Variants in CCDC171 observed in about 807,000 individuals in gnomAD.
CCDC171 encodes coiled-coil domain containing 171, also known as coiled-coil domain-containing protein 171.
CCDC171 carries 177 observed loss-of-function variants against 168.2 expected under a neutral mutation model. The ratio of observed to expected loss-of-function variants is 1.05; its 90% CI spans 0.93 to 1.19. The LOEUF (loss-of-function observed/expected upper bound fraction) is 1.19. Among genes scored for constraint, CCDC171 ranks in the 50% most tolerant of loss-of-function variants. The pLI, the probability that CCDC171 is intolerant of heterozygous loss-of-function variation, is 0.00. For missense variants in CCDC171, 1,991 were observed against 1,539.0 expected (o/e 1.29, Z -4.91); for synonymous variants, 687 against 540.8 (o/e 1.27, Z -3.75).
intron 10 of CCDC171, among the ~76,000 whole-genome samples, chr9:15,679,564 T>G (rs1184187940): frequency 6.6e-6 from 1 of 152,202 alleles, no homozygotes; most frequent in African/African-American, 2.4e-5. Context: ...TTCTTTTCTT[T>G]TTGAAGATGA....
At chr9:15,716,619 G>A (rs1319012408) in intron 11 of CCDC171, among the ~76,000 whole-genome samples, 2 of 152,144 alleles carry the variant, frequency 1.3e-5, no homozygotes, top group African/African-American at 4.8e-5. Context: ...ATTTCTTACA[G>A]TTCTGGAGGC....
intron 21 of CCDC171, among the ~76,000 whole-genome samples, chr9:15,829,022 G>T (rs2060126886): frequency 6.6e-6 from 1 of 152,148 alleles, no homozygotes; most frequent in South Asian, 2.1e-4. Flanking sequence ...GCAAAGAATG[G>T]CAGGCATATT....
At chr9:15,626,478 T>G (rs1407931096) in intron 7 of CCDC171, among the ~76,000 whole-genome samples, 1 of 152,074 alleles carries the variant, frequency 6.6e-6, no homozygotes, top group Admixed American at 6.6e-5. Flanking sequence ...ATTGTTTTGA[T>G]ATACATCCCA....
chr9:16,009,597 T>A (rs1481523382), intron 3 of CCDC171, among the ~76,000 whole-genome samples: 2 of 152,218 alleles, frequency 1.3e-5, no homozygotes, highest in African/African-American at 4.8e-5. Context: ...GAATCATCAC[T>A]TAGTAGTTCT....
intron 3 of CCDC171, among the ~76,000 whole-genome samples, chr9:16,020,190 T>A (rs1387693244): frequency 1.3e-5 from 2 of 152,232 alleles, no homozygotes; most frequent in African/African-American, 4.8e-5. Flanking sequence ...TTTTGTTTCA[T>A]GCACAAAATT....
At chr9:15,831,883 C>T (rs527908809) in intron 21 of CCDC171, among the ~76,000 whole-genome samples, 53 of 151,924 alleles carry the variant, frequency 3.5e-4, no homozygotes, top group African/African-American at 1.2e-3. Context: ...TATGACCTTT[C>T]TTGGTTTCTT....
chr9:15,883,335 C>A (rs1482681646), intron 24 of CCDC171: 2 of 153,062 alleles, frequency 1.3e-5, no homozygotes, highest in African/African-American at 4.8e-5. Flanking sequence ...ATTGGGATTA[C>A]CGGCATTAGC....
chr9:16,050,652 G>T (rs897666746), intron 1 of CCDC171, among the ~76,000 whole-genome samples: 12 of 152,190 alleles, frequency 7.9e-5, no homozygotes, highest in African/African-American at 2.7e-4. Context: ...CCACAAAAGT[G>T]CATTATCACA....
chr9:15,664,436 A>G (rs914913210), intron 8 of CCDC171, among the ~76,000 whole-genome samples: 2 of 152,012 alleles, frequency 1.3e-5, no homozygotes, highest in African/African-American at 2.4e-5. Context: ...TTTTGTAGAG[A>G]TGGGGTTTCA....
chr9:15,983,628 C>G (rs1187441966), intron 3 of CCDC171, among the ~76,000 whole-genome samples: 1 of 151,876 alleles, frequency 6.6e-6, no homozygotes, highest in African/African-American at 2.4e-5. Context: ...GGCATTTGTT[C>G]CTGGATAAAC....
At chr9:16,065,420 G>T (rs2133091941), downstream of CCDC171, among the ~76,000 whole-genome samples, 1 of 152,284 alleles carries the variant, frequency 6.6e-6, no homozygotes, top group South Asian at 2.1e-4. Flanking sequence ...AGAGAACTGA[G>T]CTCTCTTCCT....
intron 25 of CCDC171, among the ~76,000 whole-genome samples, chr9:15,956,612 A>G (rs1001040461): frequency 2.0e-5 from 3 of 152,180 alleles, no homozygotes; most frequent in African/African-American, 7.2e-5. Flanking sequence ...AGAAGTGAAC[A>G]TATTGGGAGG....
At chr9:15,725,424 G>T (rs185748481) in intron 14 of CCDC171, among the ~76,000 whole-genome samples, 1 of 152,040 alleles carries the variant, frequency 6.6e-6, no homozygotes, top group African/African-American at 2.4e-5. Flanking sequence ...ATATAGCTTA[G>T]CCTCTCCACA....
At chr9:15,847,842 A>G (rs1055566750) in intron 22 of CCDC171, among the ~76,000 whole-genome samples, 1 of 152,106 alleles carries the variant, frequency 6.6e-6, no homozygotes, top group Non-Finnish European at 1.5e-5. Context: ...CTCAAACATA[A>G]TGAAAACATG....
intron 7 of CCDC171, among the ~76,000 whole-genome samples, chr9:15,629,847 G>T (rs2045524828): frequency 6.6e-6 from 1 of 152,186 alleles, no homozygotes; most frequent in African/African-American, 2.4e-5. Flanking sequence ...AACTCTACAA[G>T]CCAGAAGAGA....
At chr9:15,566,672 C>A (rs926002863) in intron 2 of CCDC171, among the ~76,000 whole-genome samples, 3 of 152,164 alleles carry the variant, frequency 2.0e-5, no homozygotes, top group Non-Finnish European at 4.4e-5. Context: ...AAGTTTTTAA[C>A]TTTGATGAAG....
chr9:15,945,760 A>G (rs953552208), intron 25 of CCDC171, among the ~76,000 whole-genome samples: 7 of 151,462 alleles, frequency 4.6e-5, no homozygotes, highest in African/African-American at 1.7e-4. Flanking sequence ...GTTTGAGTTC[A>G]TTGTAGATTC....
chr9:15,988,037 A>C lies in CCDC171; in HGVS notation n.369-32552A>C, dbSNP rs537274131. Among the ~76,000 whole-genome samples the C allele has an allele frequency of 3.3e-5, 5 of 152,338 alleles. No homozygotes were observed. In the South Asian group the frequency reaches 1.0e-3, roughly 32 times the overall value. ...GACTCTGAATTTATATGCCAGCAGTAAACAATCCTTTTGTTATACTTATTC... is the reference window on the plus strand; with the variant it reads ...GACTCTGAATTTATATGCCAGCAGTCAACAATCCTTTTGTTATACTTATTC... On this transcript the variant is annotated intron_variant and non_coding_transcript_variant, in intron 3 of 9. Transcript: ENST00000486641.
At chr9:15,856,348 C>T (rs2061348834) in intron 23 of CCDC171, among the ~76,000 whole-genome samples, 1 of 152,038 alleles carries the variant, frequency 6.6e-6, no homozygotes, top group South Asian at 2.1e-4. Context: ...CCCTCCCTGA[C>T]CCCAGCCCCT....
Sources: gnomAD v4.1 joint callset for allele counts (sites outside exome capture counted in the v4.1 genomes callset) on GRCh38, gnomAD v4.1.1 for gene constraint, MANE v1.5 for transcripts, NCBI Gene and HGNC (gene_info 2026-07-23, HGNC 2026-07-21) for gene names.